The following PIGH variants were observed in gnomAD, a reference collection of about 807,000 sequenced individuals.
PIGH encodes phosphatidylinositol glycan anchor biosynthesis class H.
A neutral mutation model predicts 20.1 loss-of-function variants in PIGH; 11 were observed. The ratio of observed to expected loss-of-function variants is 0.55; its 90% CI spans 0.34 to 0.91. The LOEUF is 0.91. Ranked by LOEUF, PIGH falls within the 40% of genes least tolerant of loss-of-function variation. PIGH has a pLI of 0.02. For missense variants in PIGH, 189 were observed against 233.6 expected (o/e 0.81, Z 1.24); for synonymous variants, 72 against 93.1 (o/e 0.77, Z 1.31).
chr14:67,597,414 G>A (rs1387183554), intron 1 of PIGH, among the ~76,000 whole-genome samples: 1 of 151,952 alleles, frequency 6.6e-6, no homozygotes, highest in African/African-American at 2.4e-5. Context: ...GGAGACTGAG[G>A]CTGTAGTGAG....
chr14:67,596,720 C>A (rs1329068300), intron 1 of PIGH, among the ~76,000 whole-genome samples: 2 of 152,196 alleles, frequency 1.3e-5, no homozygotes, highest in Non-Finnish European at 1.5e-5. Flanking sequence ...TTTGATCAGC[C>A]TGGCATGCCT....
At chr14:67,596,213 C>T (rs2036470639) in intron 1 of PIGH, among the ~76,000 whole-genome samples, 1 of 151,556 alleles carries the variant, frequency 6.6e-6, no homozygotes, top group African/African-American at 2.4e-5. Flanking sequence ...ACTGCAACCT[C>T]CACCTCCCGG....
At chr14:67,599,041 G>A (rs1438961931) in intron 1 of PIGH, among the ~76,000 whole-genome samples, 1 of 152,188 alleles carries the variant, frequency 6.6e-6, no homozygotes, top group African/African-American at 2.4e-5. Flanking sequence ...TAGTTAGATA[G>A]TTTCCTGCAA....
chr14:67,591,149 GTAGTT>G (rs939876375), intron 3 of PIGH, among the ~76,000 whole-genome samples: 7 of 152,104 alleles, frequency 4.6e-5, no homozygotes, highest in Admixed American at 1.3e-4. Flanking sequence ...GAGAAGATAG[GTAGTT>G]TAAAGTAAGA....
At chr14:67,592,135 T>A (rs992016026) in intron 3 of PIGH, 2 of 179,244 alleles carry the variant, frequency 1.1e-5, no homozygotes, top group Non-Finnish European at 2.4e-5. Context: ...TTGATTGTGT[T>A]CTTTAAAATG....
chr14:67,592,694 T>G lies in PIGH; in HGVS notation c.415A>C (p.Ile139Leu), dbSNP rs200240316. 7 of 1,606,406 alleles carry G rather than the reference T, an allele frequency of 4.4e-6. No individual in the cohort carries two copies. Among genetic ancestry groups the G allele is most frequent in the Non-Finnish European group, 5.1e-6 (6 of 1,174,850 alleles). The change falls in exon 3 of 4, where the codon ATC (isoleucine) becomes CTC (leucine). Residue 139 changes from isoleucine (I) to leucine (L), a missense_variant. Transcript: ENST00000216452. ...YMQKVIYYLC[I>L]LLKDPVEPHG... ...GGTTCCACTGGATCTTTCAATAAGA[T>G]GCAGAGGTAGTAAATCACCTTCTGC... is the stretch of plus-strand genomic sequence containing the variant.
chr14:67,598,833 C>G lies in PIGH; in HGVS notation c.180+1191G>C, dbSNP rs2036521147. ...CAAGCGATTCTCCCGCCTGAGCCTTCCGAGTGGCTGAGACTACAAGCGTGC... is the reference window on the plus strand; with the variant it reads ...CAAGCGATTCTCCCGCCTGAGCCTTGCGAGTGGCTGAGACTACAAGCGTGC... On this transcript the variant is annotated intron_variant, in intron 1 of 3. Coordinates refer to ENST00000216452, the MANE Select transcript of PIGH (RefSeq NM_004569.5). 3.9e-5 allele frequency among the ~76,000 whole-genome samples: 6 copies of G among 152,024 alleles called. No homozygotes were observed. In the South Asian group the frequency reaches 1.2e-3, roughly 32 times the overall value.
intron 1 of PIGH, among the ~76,000 whole-genome samples, chr14:67,599,034 T>A (rs914013688): frequency 6.6e-6 from 1 of 152,174 alleles, no homozygotes; most frequent in African/African-American, 2.4e-5. Flanking sequence ...GTTTAGATAG[T>A]TAGATAGTTT....
chr14:67,600,200 C>T lies in PIGH; in HGVS notation c.4G>A (p.Glu2Lys). Residue 2 changes from glutamate to lysine, a missense_variant, in exon 1 of 4, where the codon GAG becomes AAG. Transcript: ENST00000216452. ...ATATCCGAAAAGCTCCGCTCATCCT[C>T]CATGACGCCCCCACTCGGCCGCCCG... M[E>K]DERSFSDICG... is the part of the protein sequence containing the mutation. The T allele has an allele frequency of 1.3e-6, 2 of 1,573,290 alleles. No homozygotes were observed. Among genetic ancestry groups the T allele is most frequent in the Non-Finnish European group, 1.7e-6 (2 of 1,160,476 alleles).
chr14:67,589,842 C>A lies in PIGH; in HGVS notation c.*238G>T. ...ACTTTTGACATACTGTGTCAAAATT[C>A]TTAAGGTCTCCCCTCCTTTGGTAAA... On this transcript the variant is annotated 3_prime_UTR_variant, in exon 4 of 4. Coordinates refer to ENST00000216452, the MANE Select transcript of PIGH (RefSeq NM_004569.5). 1.7e-6 allele frequency: 2 copies of A among 1,199,072 alleles called. No individual in the cohort carries two copies. Among genetic ancestry groups the A allele is most frequent in the Non-Finnish European group, 2.1e-6 (2 of 967,708 alleles). 74.3% of individuals were successfully genotyped at this position (1,199,072 alleles called of 1,614,324 possible).
At position 67,593,911 on chromosome 14, in the gene PIGH, T is replaced by C; in HGVS notation, c.222A>G (p.Leu74=). 1.2e-6 allele frequency: 2 copies of C among 1,613,396 alleles called. No individual in the cohort carries two copies. The highest frequency in any genetic ancestry group is 2.2e-5 in the South Asian group (2 of 91,016). Residue 74 remains leucine (L), a synonymous_variant, in exon 2 of 4, where the codon TTA becomes TTG. Transcript: ENST00000216452. The part of the protein sequence containing the change: ...ILSAAIFITL[L]GLLGYLHFVK... The stretch of plus-strand genomic sequence containing the variant: ...CAAAATGGAGATAACCAAGCAGACC[T>C]AAGAGGGTGATGAAGATGGCAGCAG...
chr14:67,599,824 G>C (rs776797603), intron 1 of PIGH, among the ~76,000 whole-genome samples, 200 bp downstream of exon 1: 1 of 152,178 alleles, frequency 6.6e-6, no homozygotes, highest in Non-Finnish European at 1.5e-5. Flanking sequence ...TACTATCCAG[G>C]AGCACACATT....
Position 67,590,002 on chromosome 14 carries a change from G to A in PIGH, c.*78C>T. On this transcript the variant is annotated 3_prime_UTR_variant, in exon 4 of 4. Coordinates refer to ENST00000216452, the MANE Select transcript of PIGH (RefSeq NM_004569.5). ...TAGGACTGTGTCCACCTGATGGTTT[G>A]GAGTACGGAAAACCAGCCCCTATGG... 1 of 1,474,874 alleles carries A rather than the reference G, an allele frequency of 6.8e-7. No homozygotes were observed. Among genetic ancestry groups the A allele is most frequent in the Non-Finnish European group, 9.0e-7 (1 of 1,109,772 alleles). The allele number at this position is 1,474,874 out of a possible 1,614,324, so 91.4% of individuals were successfully genotyped here.
chr14:67,593,903 A>G lies in PIGH; in HGVS notation c.230T>C (p.Leu77Pro). The change falls in exon 2 of 4, where the codon CTT (leucine) becomes CCT (proline). Residue 77 changes from leucine (L) to proline (P), a missense_variant. Leu to Pro is a moderately conservative substitution (Grantham distance 98, BLOSUM62 -3). Transcript: ENST00000216452. The part of the protein sequence containing the change: ...AAIFITLLGL[L>P]GYLHFVKIDQ... Reference sequence around the variant, plus strand: ...AATCTTCACAAAATGGAGATAACCAAGCAGACCTAAGAGGGTGATGAAGAT... The same window carrying G: ...AATCTTCACAAAATGGAGATAACCAGGCAGACCTAAGAGGGTGATGAAGAT... 6.2e-7 allele frequency: 1 copy of G among 1,613,750 alleles called. No individual in the cohort carries two copies. Among genetic ancestry groups the G allele is most frequent in the South Asian group, 1.1e-5 (1 of 91,052 alleles).
In PIGH at chr14:67,600,032, G is replaced by A. The variant is rs2036547934; in HGVS notation, c.172C>T (p.Leu58Phe). ...VWLAAYGLFT[L>F]CENSMILSAA... ...GGCCGACTTGCCATTACCTCGCAGA[G>A]GGTGAAGAGTCCGTAGGCCGCCAGC... Residue 58 changes from leucine to phenylalanine, a missense_variant, in exon 1 of 4, where the codon CTC becomes TTC. By Grantham distance (22) the Leu-to-Phe change is conservative. Transcript: ENST00000216452. 3.2e-6 allele frequency: 5 copies of A among 1,569,758 alleles called. No homozygotes were observed. The Admixed American group carries it at 5.6e-5, about 18-fold the overall frequency.
chr14:67,598,178 CA>C (rs1312880745), intron 1 of PIGH, among the ~76,000 whole-genome samples: 1 of 152,070 alleles, frequency 6.6e-6, no homozygotes, highest in Non-Finnish European at 1.5e-5. Flanking sequence ...CTCTCATAAA[CA>C]GTTTTGAATA....
chr14:67,595,095 C>G (rs776214338), intron 1 of PIGH, among the ~76,000 whole-genome samples: 9 of 151,966 alleles, frequency 5.9e-5, no homozygotes, highest in Non-Finnish European at 1.3e-4. Context: ...CGAGATCGCG[C>G]CACTGCACTC....
In PIGH at chr14:67,592,696, C is replaced by CA; in HGVS notation, c.412dup (p.Cys138LeufsTer32). ...TTCCACTGGATCTTTCAATAAGATG[C>CA]AGAGGTAGTAAATCACCTTCTGCTG... On this transcript the variant is annotated frameshift_variant, in exon 3 of 4. Coordinates refer to ENST00000216452, the MANE Select transcript of PIGH (RefSeq NM_004569.5). LOFTEE classifies it high-confidence loss of function. 1 of 1,605,238 alleles carries CA rather than the reference C, an allele frequency of 6.2e-7. No homozygotes were observed. Among genetic ancestry groups the CA allele is most frequent in the Non-Finnish European group, 8.5e-7 (1 of 1,173,730 alleles).
intron 1 of PIGH, among the ~76,000 whole-genome samples, chr14:67,595,390 C>A (rs934717330): frequency 3.3e-5 from 5 of 152,124 alleles, no homozygotes; most frequent in African/African-American, 1.2e-4. Flanking sequence ...GTCAAACCAT[C>A]GTAAGTTGGG....
Sources: gnomAD v4.1 joint callset for allele counts (sites outside exome capture counted in the v4.1 genomes callset) on GRCh38, gnomAD v4.1.1 for gene constraint, MANE v1.5 for transcripts, NCBI Gene and HGNC (gene_info 2026-07-23, HGNC 2026-07-21) for gene names.